VAV3: variants seen among roughly 807,000 people sequenced by gnomAD.
The protein encoded by VAV3 is vav guanine nucleotide exchange factor 3, also known as guanine nucleotide exchange factor VAV3.
In VAV3, 94 loss-of-function variants were observed where a neutral mutation model predicts 131.2. The ratio of observed to expected loss-of-function variants is 0.72; its 90% CI spans 0.61 to 0.85. The LOEUF is 0.85. Ranked by LOEUF, VAV3 falls within the 40% of genes least tolerant of loss-of-function variation. The pLI, the probability that VAV3 is intolerant of heterozygous loss-of-function variation, is 0.00. For missense variants in VAV3, 939 were observed against 1,002.7 expected, an observed-to-expected ratio of 0.94 and a Z score of 0.86; for synonymous variants, 349 against 342.0, an observed-to-expected ratio of 1.02 and a Z score of -0.22.
At chr1:107,924,726 T>C (rs1673069612) in intron 1 of VAV3, among the ~76,000 whole-genome samples, 1 of 152,204 alleles carries the variant, frequency 6.6e-6, no homozygotes, top group African/African-American at 2.4e-5. Context: ...GAAATGTTTA[T>C]CCTGTTTCTT....
In VAV3 at chr1:107,642,661, G is replaced by T. The variant is rs751602990; in HGVS notation, c.1872C>A (p.Thr624=). Residue 624 remains threonine, a synonymous_variant, in exon 20 of 27, where the codon ACC becomes ACA. Transcript: ENST00000370056. ...GPPLQLQAGD[T]VELLKGDAHS... ...GTGCATCTCCTTTCAGAAGTTCAAC[G>T]GTATCCCCGGCCTGGAGCTGTAAAG... The T allele has an allele frequency of 1.9e-6, 3 of 1,613,026 alleles. No homozygotes were observed. The highest frequency in any genetic ancestry group is 1.3e-5 in the African/African-American group (1 of 74,784).
intron 22 of VAV3, among the ~76,000 whole-genome samples, chr1:107,605,451 T>C (rs978331982): frequency 6.6e-6 from 1 of 152,206 alleles, no homozygotes; most frequent in African/African-American, 2.4e-5. Flanking sequence ...TATTATGCAA[T>C]GAGAAGGCCC....
At position 107,718,613 on chromosome 1, in the gene VAV3, A is replaced by G. The variant is rs373851532; in HGVS notation, c.1503-13552T>C. Among the ~76,000 whole-genome samples, 92 of 151,364 alleles carry G rather than the reference A, an allele frequency of 6.1e-4. 1 individual carries two copies. The highest frequency in any genetic ancestry group is 1.7e-3 in the African/African-American group (71 of 40,764). On this transcript the variant is annotated intron_variant, in intron 15 of 26. Coordinates refer to ENST00000370056, the MANE Select transcript of VAV3 (RefSeq NM_006113.5). ...CTCATGGATAGGAAGAATCAATATC[A>G]TGAAAATGGCCATACTGCCCAAGGT...
chr1:107,722,841 T>TCTCTC (rs1553194878), intron 15 of VAV3, among the ~76,000 whole-genome samples: 3 of 3,618 alleles, frequency 8.3e-4, no homozygotes, highest in African/African-American at 1.4e-3. Flanking sequence ...TTATCCTCTC[T>TCTCTC]TTTTTTTTTT....
At chr1:107,762,327 A>T (rs1026064325) in intron 9 of VAV3, among the ~76,000 whole-genome samples, 5 of 152,110 alleles carry the variant, frequency 3.3e-5, no homozygotes, top group Admixed American at 1.3e-4. Flanking sequence ...TATTATGAGG[A>T]GCTCCAAAAA....
At position 107,828,726 on chromosome 1, in the gene VAV3, T is replaced by C. The variant is rs139625315; in HGVS notation, c.321+46175A>G. On this transcript the variant is annotated intron_variant, in intron 2 of 26. Coordinates refer to ENST00000370056, the MANE Select transcript of VAV3 (RefSeq NM_006113.5). ...GCTTTTCAGGACCCATATGATTACA[T>C]TGGGCCCACCCAGATAATCCAAGAT... Among the ~76,000 whole-genome samples, 307 of 152,280 alleles carry C rather than the reference T, an allele frequency of 2.0e-3. 1 individual carries two copies. The highest frequency in any genetic ancestry group is 3.6e-3 in the Non-Finnish European group (245 of 68,016).
intron 15 of VAV3, among the ~76,000 whole-genome samples, chr1:107,710,802 C>A (rs561816397): frequency 6.6e-6 from 1 of 152,056 alleles, no homozygotes; most frequent in African/African-American, 2.4e-5. Context: ...ATATGTGAAA[C>A]AATTTATCAC....
chr1:107,864,471 A>G (rs1247444092), intron 2 of VAV3, among the ~76,000 whole-genome samples: 1 of 151,970 alleles, frequency 6.6e-6, no homozygotes, highest in African/African-American at 2.4e-5. Context: ...AAAAATGCAA[A>G]AATTAGCTGG....
chr1:107,810,338 A>G (rs769091525), intron 2 of VAV3, among the ~76,000 whole-genome samples: 7 of 152,206 alleles, frequency 4.6e-5, no homozygotes, highest in Non-Finnish European at 7.3e-5. Context: ...CAGAAGAGAC[A>G]TACACAGAAA....
intron 19 of VAV3, among the ~76,000 whole-genome samples, chr1:107,659,014 A>T (rs549281239): frequency 6.6e-6 from 1 of 152,280 alleles, no homozygotes; most frequent in African/African-American, 2.4e-5. Context: ...TTAGACATGA[A>T]GTCCTTGCCC....
At chr1:107,660,158 T>C (rs1656902608) in intron 19 of VAV3, among the ~76,000 whole-genome samples, 1 of 152,320 alleles carries the variant, frequency 6.6e-6, no homozygotes, top group Admixed American at 6.5e-5. Context: ...TTCTCACTTG[T>C]TCCAGTTTCA....
At chr1:107,689,334 G>A (rs1245507317) in intron 17 of VAV3, among the ~76,000 whole-genome samples, 3 of 151,980 alleles carry the variant, frequency 2.0e-5, no homozygotes, top group Non-Finnish European at 4.4e-5. Flanking sequence ...GAAAGAGCAG[G>A]CCTAAGTGGG....
At chr1:107,609,550 T>TAATA (rs1553174326) in intron 22 of VAV3, 6 of 152,278 alleles carry the variant, frequency 3.9e-5, no homozygotes, top group Non-Finnish European at 5.7e-5. Context: ...CTATAAAAAA[T>TAATA]AAAAAAAAAA....
chr1:107,911,136 A>G lies in VAV3; in HGVS notation c.205-36119T>C, dbSNP rs74109656. 4.2e-3 allele frequency among the ~76,000 whole-genome samples: 645 copies of G among 152,376 alleles called. 5 individuals carry two copies. The highest frequency in any genetic ancestry group is 0.017 in the Middle Eastern group (5 of 294). On this transcript the variant is annotated intron_variant, in intron 1 of 26. Coordinates refer to ENST00000370056, the MANE Select transcript of VAV3 (RefSeq NM_006113.5). ...TTCGCCTCCCAACTTCTAATAGCAC[A>G]TAAGGTTAGAAATTTTAAACAGTTA...
chr1:107,620,476 C>T (rs1297334918), intron 20 of VAV3, among the ~76,000 whole-genome samples: 1 of 152,128 alleles, frequency 6.6e-6, no homozygotes, highest in Non-Finnish European at 1.5e-5. Context: ...AGAGGCTATA[C>T]ACGTAGCCTA....
intron 1 of VAV3, among the ~76,000 whole-genome samples, chr1:107,904,489 T>G (rs1672012523): frequency 6.6e-6 from 1 of 152,194 alleles, no homozygotes; most frequent in African/African-American, 2.4e-5. Context: ...TCTTTTCTTA[T>G]TTGACTGCTC....
chr1:107,689,755 C>T lies in VAV3; in HGVS notation c.1706-1349G>A, dbSNP rs77084557. ...GTTACTTCATTTCTTCTTTTCCTCC[C>T]TATTGGAAACACATAACGTTTCAGA... is the stretch of plus-strand genomic sequence containing the variant. On this transcript the variant is annotated intron_variant, in intron 17 of 26. Transcript: ENST00000370056. Among the ~76,000 whole-genome samples the T allele has an allele frequency of 7.7e-3, 1,166 of 152,260 alleles. 13 individuals are homozygous for T. Among genetic ancestry groups the T allele is most frequent in the African/African-American group, 0.027 (1,127 of 41,548 alleles).
At chr1:107,952,202 C>T (rs191131522) in intron 1 of VAV3, among the ~76,000 whole-genome samples, 4 of 151,900 alleles carry the variant, frequency 2.6e-5, no homozygotes, top group East Asian at 1.9e-4. Flanking sequence ...AGCAAACTAA[C>T]GCAGGAACAG....
intron 17 of VAV3, among the ~76,000 whole-genome samples, chr1:107,695,827 G>GT (rs1250193954): frequency 1.3e-5 from 2 of 152,118 alleles, no homozygotes; most frequent in Non-Finnish European, 2.9e-5. Context: ...GTCAAGTAAG[G>GT]TAAGGCCTAA....
Sources: gnomAD v4.1 joint callset for allele counts (sites outside exome capture counted in the v4.1 genomes callset) on GRCh38, gnomAD v4.1.1 for gene constraint, MANE v1.5 for transcripts, NCBI Gene and HGNC (gene_info 2026-07-23, HGNC 2026-07-21) for gene names.